Variants in FBXO34 observed in about 807,000 individuals in gnomAD.
The protein encoded by FBXO34 is F-box protein 34.
A neutral mutation model predicts 24.5 loss-of-function variants in FBXO34; 12 were observed. The ratio of observed to expected loss-of-function variants is 0.49; its 90% confidence interval spans 0.31 to 0.79. The LOEUF (loss-of-function observed/expected upper bound fraction) is 0.79, where lower values mean the gene tolerates loss of function less well. FBXO34 is among the 30% of genes least tolerant of loss of function. The pLI, the probability that FBXO34 is intolerant of heterozygous loss-of-function variation, is 0.04. For missense variants in FBXO34, 823 were observed against 857.7 expected, an observed-to-expected ratio of 0.96 and a Z score of 0.51; for synonymous variants, 320 against 311.9, an observed-to-expected ratio of 1.03 and a Z score of -0.27.
intron 1 of FBXO34, chr14:55,299,292 T>TCA: frequency 1.4e-6 from 1 of 730,392 alleles, no homozygotes; most frequent in Non-Finnish European, 2.5e-6. Flanking sequence ...ATGGATGTGG[T>TCA]GCAGGCAGGT....
intron 1 of FBXO34, among the ~76,000 whole-genome samples, chr14:55,293,134 T>C (rs1488130098): frequency 6.6e-6 from 1 of 151,520 alleles, no homozygotes; most frequent in Non-Finnish European, 1.5e-5. Context: ...CTACTCGCCT[T>C]GGCCTCCCAA....
chr14:55,360,264 G>A (rs995392293), intron 3 of FBXO34, among the ~76,000 whole-genome samples: 4 of 151,970 alleles, frequency 2.6e-5, no homozygotes, highest in Admixed American at 2.6e-4. Context: ...GTAGAGACGG[G>A]GTTTTACCAT....
chr14:55,400,630 C>T, the FBXO34 span, among the ~76,000 whole-genome samples: 1 of 152,122 alleles, frequency 6.6e-6, no homozygotes, highest in East Asian at 1.9e-4. Flanking sequence ...TGGGCCGGTG[C>T]GGTGGCTCAC....
chr14:55,415,341 C>G, the FBXO34 span, among the ~76,000 whole-genome samples: 591 of 152,228 alleles, frequency 3.9e-3, 20 homozygotes, highest in Non-Finnish European at 8.5e-4. Flanking sequence ...CTCTTAAGAA[C>G]TATAAAGTAC....
At chr14:55,413,903 G>A in the FBXO34 span, 3 of 460,376 alleles carry the variant, frequency 6.5e-6, no homozygotes, top group Non-Finnish European at 1.3e-5. Flanking sequence ...CATTTGCGGA[G>A]CACTCCTTTT....
chr14:55,359,947 G>T (rs1347925790), intron 3 of FBXO34, among the ~76,000 whole-genome samples: 2 of 151,702 alleles, frequency 1.3e-5, no homozygotes, highest in African/African-American at 4.8e-5. Context: ...TGGTGTGGTA[G>T]TGTATGCCAA....
rs749433625 is a variant in FBXO34, at chr14:55,351,043, C to G, written c.653C>G (p.Ala218Gly). 2 of 1,614,094 alleles carry G rather than the reference C, an allele frequency of 1.2e-6. No individual in the cohort carries two copies. The highest frequency in any genetic ancestry group is 1.7e-6 in the Non-Finnish European group (2 of 1,180,044). ...ATGGTTGCCTTCTTGGAGCAAAGAG[C>G]CAGTGCTCTGCTAGCTAGCTGTTCA... ...IQMVAFLEQR[A>G]SALLASCSKN... is the part of the protein sequence containing the mutation. The change falls in exon 2 of 2, where the codon GCC becomes GGC. Residue 218 changes from alanine (A) to glycine (G), a missense_variant. Ala to Gly is a moderately conservative substitution (Grantham distance 60). This residue lies in a region of FBXO34 where 693 missense variants were observed against 659.1 expected (regional missense o/e 1.05). Transcript: ENST00000313833.
chr14:55,298,680 G>A (rs1439772048), intron 1 of FBXO34: 6 of 1,550,820 alleles, frequency 3.9e-6, no homozygotes, highest in South Asian at 3.5e-5. Flanking sequence ...CGGCAAGGGC[G>A]GCCTGACCCT....
downstream of FBXO34, among the ~76,000 whole-genome samples, chr14:55,370,646 T>C (rs1339412375): frequency 6.9e-6 from 1 of 144,996 alleles, no homozygotes; most frequent in Admixed American, 6.9e-5. Flanking sequence ...TCTGCATTTC[T>C]TTTTTTTTTT....
chr14:55,376,445 T>A, the FBXO34 span, among the ~76,000 whole-genome samples: 1 of 151,982 alleles, frequency 6.6e-6, no homozygotes, highest in Non-Finnish European at 1.5e-5. Context: ...GGATCAGGGG[T>A]GAGAGGCATG....
intron 1 of FBXO34, among the ~76,000 whole-genome samples, chr14:55,313,568 A>G (rs935562251): frequency 6.6e-6 from 1 of 152,218 alleles, no homozygotes; most frequent in African/African-American, 2.4e-5. Context: ...AAACTAGGTA[A>G]TTTATAAAGG....
At chr14:55,309,855 T>G (rs565305460) in intron 1 of FBXO34, among the ~76,000 whole-genome samples, 2 of 152,336 alleles carry the variant, frequency 1.3e-5, no homozygotes, top group East Asian at 1.9e-4. Context: ...GTGAGCCTGT[T>G]ATTCCATTCG....
intron 1 of FBXO34, among the ~76,000 whole-genome samples, chr14:55,343,853 G>A: frequency 6.6e-6 from 1 of 152,130 alleles, no homozygotes; most frequent in East Asian, 1.9e-4. Flanking sequence ...GACTCTTTAG[G>A]TGTTAGGATT....
chr14:55,356,691 C>T (rs1884527995), downstream of FBXO34, among the ~76,000 whole-genome samples: 1 of 151,954 alleles, frequency 6.6e-6, no homozygotes. Flanking sequence ...AACTCCTGAC[C>T]TTGTGATCTG....
chr14:55,279,776 C>T (rs1268534680), intron 1 of FBXO34, among the ~76,000 whole-genome samples: 2 of 152,162 alleles, frequency 1.3e-5, no homozygotes, highest in Non-Finnish European at 1.5e-5. Context: ...GGGTCATTCC[C>T]TCCTAACCAG....
At chr14:55,345,475 C>T (rs1048642004) in intron 1 of FBXO34, among the ~76,000 whole-genome samples, 2 of 152,184 alleles carry the variant, frequency 1.3e-5, no homozygotes, top group African/African-American at 2.4e-5. Context: ...CTTCTCTGAC[C>T]TGTTCCTATA....
intron 1 of FBXO34, among the ~76,000 whole-genome samples, chr14:55,340,203 C>T (rs1429305624): frequency 1.3e-5 from 2 of 152,038 alleles, no homozygotes; most frequent in African/African-American, 4.8e-5. Context: ...CAAGCAAACT[C>T]TTTTGCTTGG....
intron 1 of FBXO34, among the ~76,000 whole-genome samples, chr14:55,290,422 A>C (rs184043479): frequency 1.3e-4 from 19 of 151,980 alleles, no homozygotes; most frequent in African/African-American, 3.9e-4. Context: ...TAAATAAATT[A>C]ATTAATTAAT....
At chr14:55,379,391 A>T in the FBXO34 span, among the ~76,000 whole-genome samples, 1 of 151,874 alleles carries the variant, frequency 6.6e-6, no homozygotes, top group South Asian at 2.1e-4. Context: ...TACAAAAAAA[A>T]ATTAGCCAGG....
Sources: gnomAD v4.1 joint callset for allele counts (sites outside exome capture counted in the v4.1 genomes callset) on GRCh38, gnomAD v4.1.1 for gene constraint, gnomAD v4.1.1 regional missense constraint, MANE v1.5 for transcripts, NCBI Gene and HGNC (gene_info 2026-07-23, HGNC 2026-07-21) for gene names.